The following MAP3K9 variants were observed in gnomAD, a reference collection of about 807,000 sequenced individuals.
The protein encoded by MAP3K9 is mixed lineage kinase 1 (tyr and ser/thr specificity).
In MAP3K9, 46 loss-of-function variants were observed where a neutral mutation model predicts 95.8. The observed-to-expected ratio is 0.48, with a 90% CI of 0.38 to 0.61. MAP3K9 has a LOEUF of 0.61. MAP3K9 is among the 20% of genes least tolerant of loss of function. The pLI, the probability that MAP3K9 is intolerant of heterozygous loss-of-function variation, is 0.00. For synonymous variants in MAP3K9, 533 were observed against 593.8 expected, an observed-to-expected ratio of 0.90 and a Z score of 1.49; for missense variants, 1,296 against 1,474.3, an observed-to-expected ratio of 0.88 and a Z score of 1.98.
At chr14:70,744,249 C>T (rs1034315688) in intron 5 of MAP3K9, among the ~76,000 whole-genome samples, 9 of 151,928 alleles carry the variant, frequency 5.9e-5, no homozygotes, top group African/African-American at 2.2e-4. Context: ...ATGTAGGTGA[C>T]AGGTTGATGG....
chr14:70,745,696 C>T, intron 5 of MAP3K9, among the ~76,000 whole-genome samples: 1 of 151,762 alleles, frequency 6.6e-6, no homozygotes, highest in East Asian at 1.9e-4. Flanking sequence ...CGAGATCATG[C>T]CACTGCACTC....
At chr14:70,744,132 C>T (rs1260224457) in intron 5 of MAP3K9, among the ~76,000 whole-genome samples, 1 of 152,100 alleles carries the variant, frequency 6.6e-6, no homozygotes, top group African/African-American at 2.4e-5. Flanking sequence ...TGTTCTCACT[C>T]TAAGTGGGAG....
intron 2 of MAP3K9, among the ~76,000 whole-genome samples, chr14:70,781,148 A>C (rs2054670357): frequency 6.6e-6 from 1 of 152,274 alleles, no homozygotes; most frequent in African/African-American, 2.4e-5. Flanking sequence ...AGAATGCAGA[A>C]GAAATGACAA....
chr14:70,763,819 A>C (rs1400794079), intron 2 of MAP3K9, among the ~76,000 whole-genome samples: 1 of 152,108 alleles, frequency 6.6e-6, no homozygotes, highest in East Asian at 1.9e-4. Flanking sequence ...GGTGGGAGCC[A>C]CTGTGCCTGG....
At chr14:70,749,084 A>AGT in intron 4 of MAP3K9, 80 bp from the exon 5 acceptor site, 1 of 1,368,340 alleles carries the variant, frequency 7.3e-7, no homozygotes, top group Non-Finnish European at 1.0e-6. Flanking sequence ...ACATGGCCTC[A>AGT]CTTCCCAGAA....
At chr14:70,778,257 C>T (rs1361785427) in intron 2 of MAP3K9, among the ~76,000 whole-genome samples, 1 of 149,860 alleles carries the variant, frequency 6.7e-6, no homozygotes, top group Non-Finnish European at 1.5e-5. Flanking sequence ...ACCACAGGCA[C>T]ACATCACCAC....
intron 2 of MAP3K9, among the ~76,000 whole-genome samples, chr14:70,765,645 G>A (rs1279570064): frequency 1.3e-5 from 2 of 150,284 alleles, no homozygotes; most frequent in Non-Finnish European, 2.9e-5. Flanking sequence ...GGAAACAGCA[G>A]ACTACACCAG....
chr14:70,807,972 T>G lies in MAP3K9; in HGVS notation c.406+794A>C, dbSNP rs7156877. 6.4e-3 allele frequency among the ~76,000 whole-genome samples: 971 copies of G among 152,190 alleles called. 11 individuals are homozygous for G. Among genetic ancestry groups the G allele is most frequent in the African/African-American group, 0.021 (883 of 41,528 alleles). ...GACCAGTTCCAAAGATAGGCAAGGA[T>G]CTAGAATGAGAAGAAAGAAGAAAAT... On this transcript the variant is annotated intron_variant, in intron 1 of 11. Coordinates refer to ENST00000554752, the MANE Select transcript of MAP3K9 (RefSeq NM_001284230.2).
At chr14:70,756,253 C>T (rs2054297336) in intron 3 of MAP3K9, among the ~76,000 whole-genome samples, 1 of 152,160 alleles carries the variant, frequency 6.6e-6, no homozygotes, top group East Asian at 1.9e-4. Flanking sequence ...GGATACATGA[C>T]ACAACTCTGT....
chr14:70,740,098 C>T lies in MAP3K9; in HGVS notation c.1634G>A (p.Ser545Asn). 6.2e-7 allele frequency: 1 copy of T among 1,614,146 alleles called. No homozygotes were observed. Reference sequence around the variant, plus strand: ...GGGGCTTGCAGGAGGACTGGAGCGGCTGTTGATAAGACTCTTCCTTTTATC... The same window carrying T: ...GGGGCTTGCAGGAGGACTGGAGCGGTTGTTGATAAGACTCTTCCTTTTATC... ...TMDKRKSLIN[S>N]RSSPPASPTI... Residue 545 changes from serine to asparagine, a missense_variant, in exon 7 of 12, where the codon AGC (serine) becomes AAC (asparagine). Ser to Asn is a conservative substitution (Grantham distance 46). Around this residue, in one of 5 missense-constraint regions of MAP3K9, gnomAD observed 377 missense variants for 417.1 expected, o/e 0.90. Transcript: ENST00000554752.
At chr14:70,804,338 T>G (rs2023955) in intron 1 of MAP3K9, among the ~76,000 whole-genome samples, 142,242 of 152,272 alleles carry the variant, frequency 0.93, 66,509 homozygotes, top group African/African-American at 0.96. Context: ...AATCCAGACT[T>G]ATTACTAACT....
chr14:70,736,142 C>A, intron 8 of MAP3K9, 113 bp from the exon 9 acceptor site: 2 of 754,898 alleles, frequency 2.6e-6, no homozygotes, highest in South Asian at 1.4e-5. Flanking sequence ...GCTGCCTTCC[C>A]ACTGTCCAGA....
rs776922633 is a variant in MAP3K9 at position 70,733,033 on chromosome 14, G to C, written c.2336C>G (p.Pro779Arg). 5.6e-6 allele frequency: 9 copies of C among 1,614,068 alleles called. No individual in the cohort carries two copies. The African/African-American group carries it at 1.1e-4, about 19-fold the overall frequency. ...LLEAGKCQLL[P>R]LEEPEPPARE... is the part of the protein sequence containing the mutation. ...GGCTGGTGGCTCAGGCTCCTCCAGG[G>C]GAAGCAGCTGGCACTTGCCAGCTTC... The change falls in exon 11 of 12, where the codon CCC (proline) becomes CGC (arginine). Residue 779 changes from proline to arginine, a missense_variant. Pro to Arg is a moderately radical substitution (Grantham distance 103). Coordinates refer to ENST00000554752, the MANE Select transcript of MAP3K9 (RefSeq NM_001284230.2).
At chr14:70,793,497 G>C (rs1168451736) in intron 2 of MAP3K9, among the ~76,000 whole-genome samples, 3 of 151,940 alleles carry the variant, frequency 2.0e-5, no homozygotes, top group Admixed American at 6.6e-5. Context: ...GACCAGCCTG[G>C]GCAACACGGC....
At chr14:70,803,518 C>T (rs1000694277) in intron 1 of MAP3K9, among the ~76,000 whole-genome samples, 1 of 151,966 alleles carries the variant, frequency 6.6e-6, no homozygotes, top group Non-Finnish European at 1.5e-5. Context: ...ACTCAGCCAG[C>T]CCTGTAACGC....
chr14:70,751,620 G>A (rs1277748438), intron 3 of MAP3K9, among the ~76,000 whole-genome samples: 4 of 152,204 alleles, frequency 2.6e-5, no homozygotes, highest in Non-Finnish European at 4.4e-5. Flanking sequence ...TTGGGAGGCT[G>A]AGGCAGGATG....
At chr14:70,791,334 G>A (rs2054804868) in intron 2 of MAP3K9, among the ~76,000 whole-genome samples, 1 of 152,212 alleles carries the variant, frequency 6.6e-6, no homozygotes. Flanking sequence ...CTCCAGCACA[G>A]CATTATGAGA....
At chr14:70,780,457 G>A (rs1441337516) in intron 2 of MAP3K9, among the ~76,000 whole-genome samples, 1 of 152,100 alleles carries the variant, frequency 6.6e-6, no homozygotes, top group East Asian at 1.9e-4. Context: ...TGAGTGAAAG[G>A]TTCTCATGAT....
At chr14:70,785,880 G>A (rs1234342965) in intron 2 of MAP3K9, among the ~76,000 whole-genome samples, 1 of 152,172 alleles carries the variant, frequency 6.6e-6, no homozygotes, top group Non-Finnish European at 1.5e-5. Flanking sequence ...TTTCTAGAAT[G>A]TTCCATGTAA....
Sources: allele counts gnomAD v4.1 joint callset (sites outside exome capture counted in the v4.1 genomes callset), GRCh38; gene constraint gnomAD v4.1.1; regional missense constraint gnomAD v4.1.1; transcripts MANE v1.5; gene names NCBI Gene and HGNC (gene_info 2026-07-23, HGNC 2026-07-21).